The following EML6 variants were observed in gnomAD, a reference collection of about 807,000 sequenced individuals.
The protein encoded by EML6 is echinoderm microtubule-associated protein-like 6.
Under a neutral mutation model 240.1 loss-of-function variants are expected in EML6, and 154 were observed. The ratio of observed to expected loss-of-function variants is 0.64; its 90% CI spans 0.56 to 0.73. The LOEUF (loss-of-function observed/expected upper bound fraction) is 0.73. Ranked by LOEUF, EML6 falls within the 30% of genes least tolerant of loss-of-function variation. The pLI is 0.00. For synonymous variants in EML6, 1,148 were observed against 899.0 expected, an observed-to-expected ratio of 1.28 and a Z score of -4.95; for missense variants, 2,964 against 2,474.6, an observed-to-expected ratio of 1.20 and a Z score of -4.20.
chr2:54,888,450 C>A (rs1158956497), intron 17 of EML6, among the ~76,000 whole-genome samples: 1 of 152,182 alleles, frequency 6.6e-6, no homozygotes, highest in African/African-American at 2.4e-5. Context: ...TCTGCAGTTA[C>A]AACAGTATAT....
chr2:54,893,643 C>A (rs566843738), intron 19 of EML6, among the ~76,000 whole-genome samples: 1 of 152,214 alleles, frequency 6.6e-6, no homozygotes, highest in Non-Finnish European at 1.5e-5. Context: ...ATATCAACTT[C>A]TTTTCAGTTA....
intron 17 of EML6, among the ~76,000 whole-genome samples, chr2:54,885,658 C>T (rs1672088277): frequency 6.6e-6 from 1 of 152,062 alleles, no homozygotes; most frequent in African/African-American, 2.4e-5. Flanking sequence ...TTCTCCCAGG[C>T]CAGAGTGCAG....
chr2:54,803,310 G>T (rs974169615), intron 2 of EML6, among the ~76,000 whole-genome samples: 23 of 152,270 alleles, frequency 1.5e-4, no homozygotes, highest in African/African-American at 5.5e-4. Context: ...AGTCAAACTT[G>T]GCTTCCTTAG....
At chr2:54,885,270 C>G (rs551218549) in intron 17 of EML6, among the ~76,000 whole-genome samples, 1 of 151,920 alleles carries the variant, frequency 6.6e-6, no homozygotes, top group Admixed American at 6.6e-5. Flanking sequence ...CATGGTAAAA[C>G]CACCATCTCT....
Position 54,964,676 on chromosome 2 carries a change from A to G in EML6, c.5436A>G (p.Lys1812=), listed in dbSNP as rs1676673380. Residue 1812 remains lysine, a synonymous_variant, in exon 38 of 42, where the codon AAA becomes AAG. Transcript: ENST00000356458. ...GTNLNRIGYC[K]DIPSFVIQMD... ...ATCTGAACCGCATTGGCTACTGCAAAGATATCCCAAGCTTTGTCATTCAGA... is the reference window on the plus strand; with the variant it reads ...ATCTGAACCGCATTGGCTACTGCAAGGATATCCCAAGCTTTGTCATTCAGA... The G allele has an allele frequency of 1.3e-6, 2 of 1,552,186 alleles. No homozygotes were observed. The highest frequency in any genetic ancestry group is 1.7e-6 in the Non-Finnish European group (2 of 1,147,132).
At chr2:54,825,613 A>G (rs1476927814) in intron 5 of EML6, among the ~76,000 whole-genome samples, 1 of 151,778 alleles carries the variant, frequency 6.6e-6, no homozygotes, top group African/African-American at 2.4e-5. Context: ...ATAATACCCA[A>G]AGAAATGAGT....
chr2:54,842,161 G>T (rs1242084223), intron 7 of EML6, among the ~76,000 whole-genome samples: 1 of 152,064 alleles, frequency 6.6e-6, no homozygotes, highest in South Asian at 2.1e-4. Context: ...GTAATGACAT[G>T]TCTCCACCAT....
chr2:54,905,167 C>G lies in EML6; in HGVS notation c.3409+1665C>G, dbSNP rs183875092. Among the ~76,000 whole-genome samples, 4 of 152,162 alleles carry G rather than the reference C, an allele frequency of 2.6e-5. No individual in the cohort carries two copies. The East Asian group carries it at 5.8e-4, about 22-fold the overall frequency. ...ACCAGGCAGGGCACTGTGACTTTAT[C>G]TAGGAACTGGTGAGGCCGATGAAAG... On this transcript the variant is annotated intron_variant, in intron 24 of 41. Transcript: ENST00000356458.
intron 2 of EML6, among the ~76,000 whole-genome samples, chr2:54,754,966 T>G (rs1684334230): frequency 6.6e-6 from 1 of 152,232 alleles, no homozygotes. Context: ...ATGTAGTTAG[T>G]CACATGTAGC....
intron 2 of EML6, among the ~76,000 whole-genome samples, chr2:54,749,217 A>G (rs1166353314): frequency 6.6e-6 from 1 of 152,224 alleles, no homozygotes; most frequent in Non-Finnish European, 1.5e-5. Context: ...TAAAGTTAAG[A>G]AAGTAAAGCA....
intron 2 of EML6, among the ~76,000 whole-genome samples, chr2:54,797,175 A>AACAAAAAC (rs1217461178): frequency 3.5e-5 from 5 of 141,694 alleles, no homozygotes; most frequent in Admixed American, 1.4e-4. Flanking sequence ...AAAAAAAAAA[A>AACAAAAAC]AAAAAAAAAA....
chr2:54,815,859 C>CTCAG (rs1219215453), intron 3 of EML6, among the ~76,000 whole-genome samples: 1 of 152,150 alleles, frequency 6.6e-6, no homozygotes, highest in East Asian at 1.9e-4. Flanking sequence ...CTCGAATGTA[C>CTCAG]TCAGTACTCA....
At chr2:54,892,058 G>A (rs1672497661) in intron 18 of EML6, among the ~76,000 whole-genome samples, 1 of 112,644 alleles carries the variant, frequency 8.9e-6, no homozygotes, top group Admixed American at 1.1e-4. Context: ...TGAAGACTTT[G>A]CTTGCTCCTT....
chr2:54,740,916 T>C (rs899715152), intron 2 of EML6, among the ~76,000 whole-genome samples: 2 of 152,186 alleles, frequency 1.3e-5, no homozygotes, highest in Non-Finnish European at 2.9e-5. Context: ...CTAGTCCATA[T>C]GATAAAAATG....
At chr2:54,923,088 T>C (rs892095680) in intron 26 of EML6, among the ~76,000 whole-genome samples, 1 of 151,786 alleles carries the variant, frequency 6.6e-6, no homozygotes, top group Admixed American at 6.6e-5. Context: ...ATTACAGGCA[T>C]GTGGCACTAT....
chr2:54,827,805 A>G, intron 6 of EML6, 54 bp downstream of exon 6: 2 of 1,253,092 alleles, frequency 1.6e-6, no homozygotes, highest in South Asian at 1.3e-5. Flanking sequence ...AGGTAAGACC[A>G]CGAATCCCTC....
intron 25 of EML6, among the ~76,000 whole-genome samples, chr2:54,912,502 T>C (rs1157672130): frequency 6.6e-6 from 1 of 152,196 alleles, no homozygotes; most frequent in Non-Finnish European, 1.5e-5. Context: ...ATACAAATTA[T>C]TGCATCACCC....
intron 28 of EML6, among the ~76,000 whole-genome samples, chr2:54,935,225 C>G (rs1675076561): frequency 6.6e-6 from 1 of 152,060 alleles, no homozygotes; most frequent in Non-Finnish European, 1.5e-5. Flanking sequence ...CTGTTTTTTG[C>G]TAAGGAGTCC....
At chr2:54,884,148 C>T (rs892549371) in intron 17 of EML6, among the ~76,000 whole-genome samples, 43 of 152,168 alleles carry the variant, frequency 2.8e-4, no homozygotes, top group African/African-American at 1.0e-3. Flanking sequence ...AGACCGTTCC[C>T]CTCATCCCAC....
Sources: allele counts gnomAD v4.1 joint callset (sites outside exome capture counted in the v4.1 genomes callset), GRCh38; gene constraint gnomAD v4.1.1; transcripts MANE v1.5; gene names NCBI Gene and HGNC (gene_info 2026-07-23, HGNC 2026-07-21).